The following ERBB4 variants were observed in gnomAD, a reference collection of about 807,000 sequenced individuals.
ERBB4 encodes erb-b2 receptor tyrosine kinase 4.
Under a neutral mutation model 158.0 loss-of-function variants are expected in ERBB4, and 42 were observed. That is an observed-to-expected ratio of 0.27 (90% CI 0.21 to 0.34). The LOEUF (loss-of-function observed/expected upper bound fraction) is 0.34. ERBB4 is among the 10% of genes least tolerant of loss of function. The probability of loss-of-function intolerance (pLI) is 1.00; values close to 1 mark genes in which losing one functional copy is unlikely to be tolerated. For missense variants in ERBB4, 1,333 were observed against 1,624.1 expected (o/e 0.82, Z 3.08); for synonymous variants, 583 against 558.7 (o/e 1.04, Z -0.61).
intron 1 of ERBB4, among the ~76,000 whole-genome samples, chr2:212,498,042 T>C (rs1469349946): frequency 6.6e-6 from 1 of 152,068 alleles, no homozygotes; most frequent in African/African-American, 2.4e-5. Flanking sequence ...ATATATTTTA[T>C]TTAGCCAATC....
intron 1 of ERBB4, among the ~76,000 whole-genome samples, chr2:212,341,143 G>C (rs896103584): frequency 2.0e-5 from 3 of 151,238 alleles, no homozygotes; most frequent in African/African-American, 7.3e-5. Flanking sequence ...ATTCTTTGTG[G>C]GAATTATAAA....
At chr2:212,301,708 A>G (rs566803928) in intron 1 of ERBB4, among the ~76,000 whole-genome samples, 1 of 151,184 alleles carries the variant, frequency 6.6e-6, no homozygotes, top group African/African-American at 2.4e-5. Context: ...TGCACATACA[A>G]TATTAATGGT....
chr2:211,991,599 A>G (rs2082076299), intron 2 of ERBB4, among the ~76,000 whole-genome samples: 1 of 152,100 alleles, frequency 6.6e-6, no homozygotes, highest in South Asian at 2.1e-4. Context: ...TTTTTCCAAG[A>G]TAATAGACTT....
intron 1 of ERBB4, among the ~76,000 whole-genome samples, chr2:212,431,143 G>A (rs905222347): frequency 1.3e-5 from 2 of 151,512 alleles, no homozygotes; most frequent in East Asian, 1.9e-4. Context: ...CCAGGAGGAC[G>A]AATGCTACTC....
At chr2:212,161,783 C>T (rs2081208879) in intron 1 of ERBB4, among the ~76,000 whole-genome samples, 1 of 151,728 alleles carries the variant, frequency 6.6e-6, no homozygotes, top group Non-Finnish European at 1.5e-5. Context: ...TGAACAAAAC[C>T]ACTACTAAAT....
rs2062483621 is a variant in ERBB4 at position 211,376,878 on chromosome 2, GAGA to G, written c.*6734_*6736del. The G allele has an allele frequency of 4.3e-6, 1 of 233,098 alleles. No individual in the cohort carries two copies. The highest frequency in any genetic ancestry group is 1.8e-4 in the South Asian group (1 of 5,524). The allele number at this position is 233,098 out of a possible 1,614,324, so 14.4% of individuals were successfully genotyped here. ...ACGCAATCCCTGGTGCTCTCAACAT[GAGA>G]AGGAGACACACCAGCCAGGGAGACA... On this transcript the variant is annotated 3_prime_UTR_variant, in exon 28 of 28. Coordinates refer to ENST00000342788, the MANE Select transcript of ERBB4 (RefSeq NM_005235.3).
intron 1 of ERBB4, among the ~76,000 whole-genome samples, chr2:212,280,187 C>G (rs796655360): frequency 6.6e-6 from 1 of 151,550 alleles, no homozygotes; most frequent in Non-Finnish European, 1.5e-5. Context: ...GTTTGAACAA[C>G]CAGCCACCCA....
intron 1 of ERBB4, among the ~76,000 whole-genome samples, chr2:212,168,171 A>G (rs907875747): frequency 6.6e-6 from 1 of 152,118 alleles, no homozygotes; most frequent in Non-Finnish European, 1.5e-5. Context: ...AGCAGCAGCC[A>G]CTTAAACTGT....
Position 211,657,819 on chromosome 2 carries a change from A to C in ERBB4, c.1881T>G (p.Gly627=). The C allele has an allele frequency of 6.2e-7, 1 of 1,613,866 alleles. No homozygotes were observed. Among genetic ancestry groups the C allele is most frequent in the Non-Finnish European group, 8.5e-7 (1 of 1,179,782 alleles). Residue 627 remains glycine (G), a synonymous_variant, in exon 16 of 28, where the codon GGT becomes GGG. Coordinates refer to ENST00000342788, the MANE Select transcript of ERBB4 (RefSeq NM_005235.3). The stretch of plus-strand genomic sequence containing the variant: ...AGTAAATGCAGTCATGACTAGTGGG[A>C]CCGTTACACCTGCAGGCAATTACAG... The part of the protein sequence containing the change: ...CHPNCTQGCN[G]PTSHDCIYYP...
At chr2:211,856,984 T>A (rs921372731) in intron 3 of ERBB4, among the ~76,000 whole-genome samples, 1 of 152,142 alleles carries the variant, frequency 6.6e-6, no homozygotes, top group Non-Finnish European at 1.5e-5. Context: ...CAAAATTATT[T>A]AAAAAGTTAT....
At chr2:211,875,041 A>AAAAAAAAAAAAAAAAT (rs1559600562) in intron 3 of ERBB4, among the ~76,000 whole-genome samples, 1 of 140,728 alleles carries the variant, frequency 7.1e-6, no homozygotes, top group Non-Finnish European at 1.5e-5. Context: ...AAAAAAAAAA[A>AAAAAAAAAAAAAAAAT]AAAAAAAAAC....
intron 2 of ERBB4, among the ~76,000 whole-genome samples, chr2:211,991,712 C>A (rs2082078662): frequency 6.6e-6 from 1 of 152,084 alleles, no homozygotes; most frequent in Non-Finnish European, 1.5e-5. Flanking sequence ...AGGCTTATCC[C>A]ATTGTTTGAA....
At chr2:211,759,391 G>T (rs2075356634) in intron 4 of ERBB4, among the ~76,000 whole-genome samples, 1 of 152,054 alleles carries the variant, frequency 6.6e-6, no homozygotes, top group Admixed American at 6.6e-5. Context: ...AATCTCCTAA[G>T]TTGCCATGTG....
intron 19 of ERBB4, among the ~76,000 whole-genome samples, chr2:211,578,357 T>C (rs1369428175): frequency 6.6e-6 from 1 of 152,206 alleles, no homozygotes. Flanking sequence ...AGAATTAATA[T>C]CGTGAAAATG....
chr2:211,857,330 T>G (rs1371557844), intron 3 of ERBB4, among the ~76,000 whole-genome samples: 1 of 152,178 alleles, frequency 6.6e-6, no homozygotes, highest in Admixed American at 6.5e-5. Flanking sequence ...ATCTGTTAAG[T>G]CCAATAAGTG....
At chr2:211,701,648 C>CT in intron 12 of ERBB4, among the ~76,000 whole-genome samples, 1 of 150,918 alleles carries the variant, frequency 6.6e-6, no homozygotes, top group African/African-American at 2.4e-5. Flanking sequence ...GTCCCAGCTA[C>CT]CGGAGGCTGA....
intron 2 of ERBB4, among the ~76,000 whole-genome samples, chr2:212,002,258 A>G (rs750779628): frequency 6.6e-6 from 1 of 152,328 alleles, no homozygotes; most frequent in East Asian, 1.9e-4. Flanking sequence ...GTGAGAGACC[A>G]TAAGAAGCCA....
chr2:211,595,159 A>G (rs1287106003), intron 19 of ERBB4, among the ~76,000 whole-genome samples: 1 of 152,200 alleles, frequency 6.6e-6, no homozygotes. Flanking sequence ...TCTGGGATAA[A>G]TTTTTATAGA....
intron 1 of ERBB4, among the ~76,000 whole-genome samples, chr2:212,515,923 A>G (rs1256759743): frequency 6.6e-6 from 1 of 152,076 alleles, no homozygotes; most frequent in Non-Finnish European, 1.5e-5. Context: ...TTAAAAATGA[A>G]AAATAAAACA....
Sources: gnomAD v4.1 joint callset for allele counts (sites outside exome capture counted in the v4.1 genomes callset) on GRCh38, gnomAD v4.1.1 for gene constraint, MANE v1.5 for transcripts, NCBI Gene and HGNC (gene_info 2026-07-23, HGNC 2026-07-21) for gene names.